Variants in GALNT17 observed in about 807,000 individuals in gnomAD.
The protein encoded by GALNT17 is polypeptide N-acetylgalactosaminyltransferase 17.
A neutral mutation model predicts 63.7 loss-of-function variants in GALNT17; 29 were observed. The observed-to-expected ratio is 0.46, with a 90% confidence interval of 0.34 to 0.62. GALNT17 has a LOEUF of 0.62. GALNT17 is among the 20% of genes least tolerant of loss of function. The pLI is 0.01. For missense variants in GALNT17, 603 were observed against 799.6 expected (o/e 0.75, Z 2.97); for synonymous variants, 305 against 318.3 (o/e 0.96, Z 0.45).
intron 6 of GALNT17, among the ~76,000 whole-genome samples, chr7:71,603,568 C>A (rs1177562269): frequency 1.3e-5 from 2 of 151,926 alleles, no homozygotes. Context: ...AGGTACTGTG[C>A]TACGTGCATA....
At chr7:71,241,215 T>C (rs1333981206) in intron 1 of GALNT17, among the ~76,000 whole-genome samples, 1 of 152,224 alleles carries the variant, frequency 6.6e-6, no homozygotes, top group African/African-American at 2.4e-5. Context: ...TTCTCACTCT[T>C]TCTCTCCTCC....
chr7:71,345,248 G>A (rs1329145220), intron 2 of GALNT17, among the ~76,000 whole-genome samples: 1 of 151,678 alleles, frequency 6.6e-6, no homozygotes, highest in African/African-American at 2.4e-5. Context: ...GTGAGGGAGG[G>A]ACCACAGAAA....
intron 1 of GALNT17, among the ~76,000 whole-genome samples, chr7:71,209,313 T>C (rs1789331813): frequency 6.6e-6 from 1 of 152,182 alleles, no homozygotes; most frequent in African/African-American, 2.4e-5. Context: ...GTGATTTACT[T>C]AGCAAATTCT....
chr7:71,356,591 G>A lies in GALNT17; in HGVS notation c.422+20858G>A, dbSNP rs188864272. Among the ~76,000 whole-genome samples the A allele has an allele frequency of 3.0e-4, 46 of 152,178 alleles. No homozygotes were observed. In the East Asian group the frequency reaches 7.6e-3, roughly 25 times the overall value. ...CCAGGCTCTTTTCAACAATTAGCTCGCAGGGAACTCTCTTGAGAACTCACA... is the reference window on the plus strand; with the variant it reads ...CCAGGCTCTTTTCAACAATTAGCTCACAGGGAACTCTCTTGAGAACTCACA... On this transcript the variant is annotated intron_variant, in intron 2 of 10. Transcript: ENST00000333538.
At chr7:71,349,020 A>G (rs1792143235) in intron 2 of GALNT17, among the ~76,000 whole-genome samples, 1 of 152,222 alleles carries the variant, frequency 6.6e-6, no homozygotes, top group Non-Finnish European at 1.5e-5. Flanking sequence ...GCAGTTTGCC[A>G]AATTATACTC....
chr7:71,409,241 A>T (rs1793388251), intron 3 of GALNT17, among the ~76,000 whole-genome samples: 1 of 152,058 alleles, frequency 6.6e-6, no homozygotes, highest in African/African-American at 2.4e-5. Flanking sequence ...GCTCAGTTGG[A>T]GTAAGCTCTG....
At chr7:71,147,739 C>G (rs896256362) in intron 1 of GALNT17, among the ~76,000 whole-genome samples, 1 of 152,112 alleles carries the variant, frequency 6.6e-6, no homozygotes, top group African/African-American at 2.4e-5. Context: ...TCCATCGATT[C>G]TCCTGCCTCA....
intron 5 of GALNT17, among the ~76,000 whole-genome samples, chr7:71,425,285 C>T (rs897753319): frequency 5.3e-5 from 8 of 151,732 alleles, no homozygotes; most frequent in Non-Finnish European, 8.8e-5. Context: ...TGCAGGGGAG[C>T]GATCTCGGCT....
chr7:71,383,688 C>T (rs941336177), intron 2 of GALNT17, among the ~76,000 whole-genome samples: 2 of 152,182 alleles, frequency 1.3e-5, no homozygotes, highest in Non-Finnish European at 2.9e-5. Flanking sequence ...CCCACCTTGG[C>T]GTCCCAAGTA....
At chr7:71,287,826 C>A (rs999277504) in intron 1 of GALNT17, among the ~76,000 whole-genome samples, 1 of 151,022 alleles carries the variant, frequency 6.6e-6, no homozygotes, top group African/African-American at 2.4e-5. Context: ...CTGAGGCAGG[C>A]AGATCACCTG....
intron 6 of GALNT17, among the ~76,000 whole-genome samples, chr7:71,639,067 T>G (rs1790568608): frequency 6.6e-6 from 1 of 152,100 alleles, no homozygotes; most frequent in African/African-American, 2.4e-5. Flanking sequence ...CAATTGCATT[T>G]TAAGATAACT....
chr7:71,605,812 G>C (rs1182869776), intron 6 of GALNT17, among the ~76,000 whole-genome samples: 1 of 152,172 alleles, frequency 6.6e-6, no homozygotes, highest in East Asian at 1.9e-4. Context: ...CCTAAGGAAG[G>C]CTTGATCTAG....
At chr7:71,680,973 C>T (rs1791253274) in intron 9 of GALNT17, among the ~76,000 whole-genome samples, 1 of 151,742 alleles carries the variant, frequency 6.6e-6, no homozygotes, top group Non-Finnish European at 1.5e-5. Flanking sequence ...GATCACAGCT[C>T]ACTGCAGCCT....
intron 5 of GALNT17, among the ~76,000 whole-genome samples, chr7:71,433,775 A>T (rs1786910492): frequency 6.6e-6 from 1 of 152,218 alleles, no homozygotes. Context: ...CTGATGGTTA[A>T]TACTGGGTGT....
At chr7:71,415,775 G>A in intron 3 of GALNT17, 114 bp from the exon 4 acceptor site, 2 of 1,210,144 alleles carry the variant, frequency 1.7e-6, no homozygotes, top group South Asian at 3.8e-5. Flanking sequence ...TTACTAACAT[G>A]CGATTTTTTT....
intron 1 of GALNT17, among the ~76,000 whole-genome samples, chr7:71,257,385 A>C (rs1790308182): frequency 6.6e-6 from 1 of 152,234 alleles, no homozygotes; most frequent in South Asian, 2.1e-4. Flanking sequence ...TTCTCCAAGT[A>C]GGTGGATTAG....
At chr7:71,710,239 G>A (rs745954552) in intron 9 of GALNT17, among the ~76,000 whole-genome samples, 15 of 152,278 alleles carry the variant, frequency 9.9e-5, no homozygotes, top group South Asian at 8.3e-4. Flanking sequence ...GCCGGGCGCC[G>A]TGGCTCATGC....
At position 71,210,121 on chromosome 7, in the gene GALNT17, C is replaced by G. The variant is rs141149490; in HGVS notation, c.238+77081C>G. On this transcript the variant is annotated intron_variant, in intron 1 of 10. Transcript: ENST00000333538. ...TAGTTTTAGTAGAGATGGGGTTTCA[C>G]CATGTTAGCCAGGCTGGTCTTGAAC... Among the ~76,000 whole-genome samples, 295 of 152,152 alleles carry G rather than the reference C, an allele frequency of 1.9e-3. 2 individuals carry two copies. Among genetic ancestry groups the G allele is most frequent in the African/African-American group, 6.7e-3 (279 of 41,508 alleles).
intron 1 of GALNT17, among the ~76,000 whole-genome samples, chr7:71,209,200 A>G (rs1789329801): frequency 6.6e-6 from 1 of 152,240 alleles, no homozygotes; most frequent in East Asian, 1.9e-4. Flanking sequence ...CAAATGCAAA[A>G]CCATTCTTCA....
Sources: allele counts gnomAD v4.1 joint callset (sites outside exome capture counted in the v4.1 genomes callset), GRCh38; gene constraint gnomAD v4.1.1; transcripts MANE v1.5; gene names NCBI Gene and HGNC (gene_info 2026-07-23, HGNC 2026-07-21).